CRYBG3: variants seen among roughly 807,000 people sequenced by gnomAD.
CRYBG3 encodes crystallin beta-gamma domain containing 3, also known as very large A-kinase anchor protein.
CRYBG3 carries 127 observed loss-of-function variants against 244.2 expected under a neutral mutation model. The observed-to-expected ratio is 0.52, with a 90% CI of 0.45 to 0.60. The LOEUF (loss-of-function observed/expected upper bound fraction) is 0.60. Among genes scored for constraint, CRYBG3 ranks in the 20% least tolerant of loss-of-function variants. CRYBG3 has a pLI of 0.00. For synonymous variants in CRYBG3, 1,132 were observed against 1,195.8 expected (o/e 0.95, Z 1.10); for missense variants, 3,325 against 3,442.5 (o/e 0.97, Z 0.85).
chr3:97,840,189 T>C (rs1351641142), intron 1 of CRYBG3, among the ~76,000 whole-genome samples: 1 of 152,032 alleles, frequency 6.6e-6, no homozygotes, highest in African/African-American at 2.4e-5. Context: ...AACTTTTGTG[T>C]ATTCTAGTAA....
intron 1 of CRYBG3, among the ~76,000 whole-genome samples, chr3:97,829,726 G>A (rs1388099110): frequency 3.3e-5 from 5 of 152,174 alleles, no homozygotes; most frequent in Non-Finnish European, 7.3e-5. Context: ...CACCAGTCTA[G>A]GTCCTGGGAA....
chr3:97,884,130 A>G (rs2039481724), intron 7 of CRYBG3, among the ~76,000 whole-genome samples: 1 of 152,168 alleles, frequency 6.6e-6, no homozygotes, highest in Non-Finnish European at 1.5e-5. Context: ...ATGTTACTAG[A>G]ACTCTATTAT....
At chr3:97,832,579 TAA>T (rs1348445503) in intron 1 of CRYBG3, among the ~76,000 whole-genome samples, 1 of 152,100 alleles carries the variant, frequency 6.6e-6, no homozygotes, top group Non-Finnish European at 1.5e-5. Flanking sequence ...CAAGATGGAT[TAA>T]AGACTTAAAT....
At chr3:97,889,031 A>T (rs768833797) in intron 9 of CRYBG3, among the ~76,000 whole-genome samples, 1 of 152,174 alleles carries the variant, frequency 6.6e-6, no homozygotes, top group Non-Finnish European at 1.5e-5. Context: ...TTTTTGGGAC[A>T]CTCTGAAGTG....
Position 97,875,059 on chromosome 3 carries a change from C to T in CRYBG3, c.3865C>T (p.Leu1289Phe). The change falls in exon 4 of 22, where the codon CTT becomes TTT. Residue 1289 changes from leucine to phenylalanine, a missense_variant. This residue lies in a region of CRYBG3 where 635 missense variants were observed against 771.7 expected (regional missense o/e 0.82). Transcript: ENST00000389622. ...VSPTVGEKNL[L>F]VDPNSMNVSC... ...ACCAACAGTTGGTGAGAAGAATCTT[C>T]TTGTTGATCCTAATAGTATGAATGT... The T allele has an allele frequency of 6.5e-7, 1 of 1,533,912 alleles. No individual in the cohort carries two copies. Among genetic ancestry groups the T allele is most frequent in the Non-Finnish European group, 8.7e-7 (1 of 1,145,984 alleles).
At position 97,899,121 on chromosome 3, in the gene CRYBG3, CT is replaced by C. The variant is rs2039674638; in HGVS notation, c.7845-10del. 2 of 1,591,764 alleles carry C rather than the reference CT, an allele frequency of 1.3e-6. No individual in the cohort carries two copies. The highest frequency in any genetic ancestry group is 1.7e-6 in the Non-Finnish European group (2 of 1,173,478). On this transcript the variant is annotated splice_polypyrimidine_tract_variant and intron_variant, in intron 13 of 21. Transcript: ENST00000389622. ...ACTTGTTTTTATTTTTTTGTTTTTTCTTTTTTCCCTACTAGATGGGTTGCCT... is the reference window on the plus strand; with the variant it reads ...ACTTGTTTTTATTTTTTTGTTTTTTCTTTTTCCCTACTAGATGGGTTGCCT...
At chr3:97,923,187 A>C (rs1410535056) in intron 17 of CRYBG3, among the ~76,000 whole-genome samples, 1 of 152,038 alleles carries the variant, frequency 6.6e-6, no homozygotes, top group Admixed American at 6.6e-5. Flanking sequence ...AGGACCTGTC[A>C]TGGGGTTGGG....
rs2039391646 is a variant in CRYBG3, at chr3:97,877,339, G to A, written c.6145G>A (p.Val2049Ile). Residue 2049 changes from valine (V) to isoleucine (I), a missense_variant, in exon 4 of 22, where the codon GTC becomes ATC. Physicochemically the swap from Val to Ile is conservative, Grantham distance 29. Transcript: ENST00000389622. ...CERSESRTDL[V>I]HHFEKGTKLG... ...AAGGTCTGAGAGTAGAACTGACCTT[G>A]TCCATCACTTTGAAAAAGGTACTAA... The A allele has an allele frequency of 1.2e-6, 2 of 1,613,972 alleles. No homozygotes were observed. The highest frequency in any genetic ancestry group is 2.7e-5 in the African/African-American group (2 of 75,048).
chr3:97,935,964 C>A (rs938505672), intron 18 of CRYBG3, among the ~76,000 whole-genome samples: 1 of 152,010 alleles, frequency 6.6e-6, no homozygotes, highest in African/African-American at 2.4e-5. Context: ...TTGAGTCCTG[C>A]TGAGAATTTC....
At chr3:97,925,235 G>T (rs1419794575) in intron 17 of CRYBG3, among the ~76,000 whole-genome samples, 1 of 152,022 alleles carries the variant, frequency 6.6e-6, no homozygotes, top group East Asian at 1.9e-4. Flanking sequence ...GGGAAAAATG[G>T]CTCAGGACAT....
intron 1 of CRYBG3, among the ~76,000 whole-genome samples, chr3:97,823,190 C>G (rs1321679219): frequency 6.6e-6 from 1 of 152,122 alleles, no homozygotes; most frequent in African/African-American, 2.4e-5. Context: ...TTTCATCCCC[C>G]CGAAGAAAGA....
At chr3:97,842,579 G>A (rs1055627608) in intron 1 of CRYBG3, among the ~76,000 whole-genome samples, 1 of 152,050 alleles carries the variant, frequency 6.6e-6, no homozygotes, top group East Asian at 1.9e-4. Flanking sequence ...AATCTTAAAT[G>A]TGTCTTGGGA....
Position 97,943,561 on chromosome 3 carries a change from T to G in CRYBG3, c.*247T>G, listed in dbSNP as rs1433101692. Reference sequence around the variant, plus strand: ...TCTTGGAAAGGTTCTATTCCTGATCTCCAGCTGTGGTGAGCAAGTTTCCTG... The same window carrying G: ...TCTTGGAAAGGTTCTATTCCTGATCGCCAGCTGTGGTGAGCAAGTTTCCTG... On this transcript the variant is annotated 3_prime_UTR_variant, in exon 22 of 22. Transcript: ENST00000389622. 1.4e-5 allele frequency: 6 copies of G among 428,894 alleles called. No homozygotes were observed. The highest frequency in any genetic ancestry group is 2.5e-5 in the Non-Finnish European group (6 of 244,084). 26.6% of individuals were successfully genotyped at this position (428,894 alleles called of 1,614,324 possible).
At chr3:97,899,478 T>G (rs1008682732) in intron 14 of CRYBG3, among the ~76,000 whole-genome samples, 1 of 152,230 alleles carries the variant, frequency 6.6e-6, no homozygotes, top group African/African-American at 2.4e-5. Context: ...GTTCATTCAC[T>G]TAACAGCATT....
At chr3:97,838,146 C>T (rs1370676676) in intron 1 of CRYBG3, among the ~76,000 whole-genome samples, 3 of 152,072 alleles carry the variant, frequency 2.0e-5, no homozygotes, top group Admixed American at 6.6e-5. Flanking sequence ...TTTTTTCCTT[C>T]CAGGTCCCAC....
chr3:97,943,052 T>C, intron 21 of CRYBG3, 174 bp from the exon 22 acceptor site: 2 of 573,352 alleles, frequency 3.5e-6, no homozygotes, highest in Non-Finnish European at 6.1e-6. Context: ...TAAGGTCCAA[T>C]TTGAGGTGAA....
chr3:97,824,537 C>T (rs966517757), intron 1 of CRYBG3, among the ~76,000 whole-genome samples: 3 of 152,170 alleles, frequency 2.0e-5, no homozygotes, highest in African/African-American at 7.2e-5. Flanking sequence ...TGCCTTGATA[C>T]AGGTCTTCCA....
chr3:97,840,363 C>T (rs2038794761), intron 1 of CRYBG3, among the ~76,000 whole-genome samples: 1 of 152,050 alleles, frequency 6.6e-6, no homozygotes, highest in Non-Finnish European at 1.5e-5. Flanking sequence ...TAAAACTCAA[C>T]ACATTTTAAA....
chr3:97,924,501 C>A, intron 17 of CRYBG3: 1 of 401,992 alleles, frequency 2.5e-6, no homozygotes, highest in Admixed American at 3.1e-5. Flanking sequence ...TACAGTCTTG[C>A]AGTTCCACAA....
Sources: gnomAD v4.1 joint callset for allele counts (sites outside exome capture counted in the v4.1 genomes callset) on GRCh38, gnomAD v4.1.1 for gene constraint, gnomAD v4.1.1 regional missense constraint, MANE v1.5 for transcripts, NCBI Gene and HGNC (gene_info 2026-07-23, HGNC 2026-07-21) for gene names.